Variants in MRPS28 observed in about 807,000 individuals in gnomAD.
MRPS28 encodes the protein mitochondrial ribosomal protein S28, also known as small ribosomal subunit protein bS1m.
A neutral mutation model predicts 10.8 loss-of-function variants in MRPS28; 7 were observed. The observed-to-expected ratio is 0.65, with a 90% CI of 0.37 to 1.22. MRPS28 has a LOEUF of 1.22. Ranked by LOEUF, MRPS28 falls within the 50% of genes most tolerant of loss-of-function variation. The probability of loss-of-function intolerance (pLI) is 0.02; values close to 1 mark genes in which losing one functional copy is unlikely to be tolerated. For synonymous variants in MRPS28, 121 were observed against 93.3 expected, an observed-to-expected ratio of 1.30 and a Z score of -1.71; for missense variants, 265 against 232.9, an observed-to-expected ratio of 1.14 and a Z score of -0.90.
intron 2 of MRPS28, among the ~76,000 whole-genome samples, chr8:79,999,020 A>C (rs548114939): frequency 1.3e-5 from 2 of 152,318 alleles, no homozygotes; most frequent in African/African-American, 4.8e-5. Context: ...CAACTACACA[A>C]AAGTCTGTAT....
intron 2 of MRPS28, among the ~76,000 whole-genome samples, chr8:79,989,062 C>A (rs746729700): frequency 6.6e-6 from 1 of 152,090 alleles, no homozygotes. Context: ...GGGCAGGTAA[C>A]CAGATGTCCC....
At chr8:79,984,203 C>T (rs1255270372) in intron 2 of MRPS28, among the ~76,000 whole-genome samples, 1 of 152,174 alleles carries the variant, frequency 6.6e-6, no homozygotes, top group Admixed American at 6.5e-5. Context: ...CAAATAAAAT[C>T]CTTTACAGAC....
At chr8:80,010,270 A>G (rs1386493648) in intron 1 of MRPS28, among the ~76,000 whole-genome samples, 2 of 152,212 alleles carry the variant, frequency 1.3e-5, no homozygotes, top group Non-Finnish European at 2.9e-5. Context: ...GTGAGAGCAA[A>G]TCATGGAAGG....
chr8:79,975,261 C>T (rs923676893), intron 2 of MRPS28, among the ~76,000 whole-genome samples: 2 of 151,954 alleles, frequency 1.3e-5, no homozygotes, highest in Non-Finnish European at 2.9e-5. Context: ...CATGCTACTG[C>T]ACTCCAGCCT....
chr8:80,016,992 G>A (rs1421805725), intron 1 of MRPS28, among the ~76,000 whole-genome samples: 1 of 152,134 alleles, frequency 6.6e-6, no homozygotes, highest in Non-Finnish European at 1.5e-5. Context: ...AGCAACAGCA[G>A]AATATATATT....
Position 80,003,157 on chromosome 8 carries a change from G to A in MRPS28, c.237C>T (p.Ser79=). Residue 79 remains serine, a synonymous_variant, in exon 2 of 3, where the codon TCC becomes TCT. Coordinates refer to ENST00000276585, the MANE Select transcript of MRPS28 (RefSeq NM_014018.3). ...LQKGSPKNVE[S]FASMLRHSPL... The stretch of plus-strand genomic sequence containing the variant: ...GAGAATGTCTCAGCATAGATGCAAA[G>A]GATTCCACATTTTTTGGAGAACCCT... 1.3e-6 allele frequency: 2 copies of A among 1,586,866 alleles called. No homozygotes were observed. The highest frequency in any genetic ancestry group is 1.7e-6 in the Non-Finnish European group (2 of 1,172,152).
At chr8:79,920,200 T>C (rs1181398454) in intron 2 of MRPS28, among the ~76,000 whole-genome samples, 1 of 152,168 alleles carries the variant, frequency 6.6e-6, no homozygotes, top group Non-Finnish European at 1.5e-5. Flanking sequence ...TTGTTGGACA[T>C]TTGGGTTGGT....
intron 2 of MRPS28, chr8:79,958,481 T>C (rs1274135635): frequency 1.7e-6 from 1 of 594,442 alleles, no homozygotes; most frequent in Non-Finnish European, 3.0e-6. Context: ...CTCAAGGCTA[T>C]TTTAAAAATA....
chr8:79,958,992 A>G (rs920109084), intron 2 of MRPS28, among the ~76,000 whole-genome samples: 36 of 152,150 alleles, frequency 2.4e-4, no homozygotes, highest in Non-Finnish European at 3.2e-4. Flanking sequence ...AAGATTATCT[A>G]TAAATTAGTG....
At chr8:79,930,504 T>C (rs1187834475) in intron 2 of MRPS28, among the ~76,000 whole-genome samples, 1 of 152,236 alleles carries the variant, frequency 6.6e-6, no homozygotes, top group African/African-American at 2.4e-5. Flanking sequence ...TTTTGCAAAC[T>C]GGGGGTCTGA....
intron 1 of MRPS28, among the ~76,000 whole-genome samples, chr8:80,024,838 G>T (rs1357386888): frequency 6.6e-6 from 1 of 152,138 alleles, no homozygotes; most frequent in African/African-American, 2.4e-5. Flanking sequence ...GGATAAAACA[G>T]GTTTGTAAAT....
chr8:79,986,414 G>A (rs2130101992), intron 2 of MRPS28, among the ~76,000 whole-genome samples: 1 of 152,302 alleles, frequency 6.6e-6, no homozygotes, highest in Middle Eastern at 3.4e-3. Context: ...AGTGTTGGAA[G>A]TTCTGGCCAG....
At chr8:79,983,359 C>G (rs1435300478) in intron 2 of MRPS28, among the ~76,000 whole-genome samples, 1 of 152,040 alleles carries the variant, frequency 6.6e-6, no homozygotes, top group Non-Finnish European at 1.5e-5. Flanking sequence ...CTCTAAAAAG[C>G]AGAGCGCCTC....
intron 2 of MRPS28, among the ~76,000 whole-genome samples, chr8:79,996,007 T>A (rs1808492844): frequency 6.6e-6 from 1 of 152,182 alleles, no homozygotes; most frequent in Non-Finnish European, 1.5e-5. Context: ...TATATTTTTA[T>A]TATGATACAA....
intron 2 of MRPS28, among the ~76,000 whole-genome samples, chr8:79,922,734 A>G (rs577375391): frequency 6.6e-6 from 1 of 152,228 alleles, no homozygotes; most frequent in East Asian, 1.9e-4. Context: ...TTCCTCAATC[A>G]ATTATTTTAA....
Position 79,968,303 on chromosome 8 carries a change from C to T in MRPS28, c.395+34696G>A, listed in dbSNP as rs557094948. On this transcript the variant is annotated intron_variant, in intron 2 of 2. Coordinates refer to ENST00000276585, the MANE Select transcript of MRPS28 (RefSeq NM_014018.3). ...CCTGCTTATAAGTCTCTAGTAAGTT[C>T]GTCACAGGCTACAGCAGAGGTCCCA... Among the ~76,000 whole-genome samples the T allele has an allele frequency of 4.6e-5, 7 of 152,218 alleles. No individual in the cohort carries two copies. In the South Asian group the frequency reaches 1.2e-3, roughly 27 times the overall value.
At chr8:79,975,013 A>T (rs1474114116) in intron 2 of MRPS28, among the ~76,000 whole-genome samples, 4 of 152,212 alleles carry the variant, frequency 2.6e-5, no homozygotes, top group African/African-American at 7.2e-5. Context: ...GGCTAGGCAC[A>T]GTAGCTCACA....
At chr8:79,995,349 G>A (rs1808473612) in intron 2 of MRPS28, among the ~76,000 whole-genome samples, 1 of 152,178 alleles carries the variant, frequency 6.6e-6, no homozygotes, top group Non-Finnish European at 1.5e-5. Flanking sequence ...ACTAATCAAT[G>A]CTATAAAGCA....
At chr8:79,998,697 A>G (rs1303761256) in intron 2 of MRPS28, among the ~76,000 whole-genome samples, 1 of 152,234 alleles carries the variant, frequency 6.6e-6, no homozygotes, top group African/African-American at 2.4e-5. Flanking sequence ...CCCAATAAGC[A>G]ATATCTTATG....
Sources: gnomAD v4.1 joint callset for allele counts (sites outside exome capture counted in the v4.1 genomes callset) on GRCh38, gnomAD v4.1.1 for gene constraint, MANE v1.5 for transcripts, NCBI Gene and HGNC (gene_info 2026-07-23, HGNC 2026-07-21) for gene names.